Variants in CERS3 observed in about 807,000 individuals in gnomAD.
CERS3 encodes the protein LAG1 homolog, ceramide synthase 3.
In CERS3, 33 loss-of-function variants were observed where a neutral mutation model predicts 50.3. The observed-to-expected ratio is 0.66, with a 90% CI of 0.50 to 0.88. The LOEUF is 0.88. CERS3 is among the 40% of genes least tolerant of loss of function. The probability of loss-of-function intolerance (pLI) is 0.00; values close to 1 mark genes in which losing one functional copy is unlikely to be tolerated. For synonymous variants in CERS3, 176 were observed against 155.2 expected, an observed-to-expected ratio of 1.13 and a Z score of -0.99; for missense variants, 470 against 460.3, an observed-to-expected ratio of 1.02 and a Z score of -0.19.
At chr15:100,536,172 G>A (rs542429845) in intron 1 of CERS3, among the ~76,000 whole-genome samples, 2 of 151,986 alleles carry the variant, frequency 1.3e-5, no homozygotes, top group Non-Finnish European at 2.9e-5. Context: ...ATGGGAAGTG[G>A]GGATATTCCT....
At chr15:100,482,763 G>C (rs1026381425) in intron 5 of CERS3, among the ~76,000 whole-genome samples, 16 of 152,122 alleles carry the variant, frequency 1.1e-4, no homozygotes, top group Non-Finnish European at 1.8e-4. Context: ...ATTTTTGCCT[G>C]TTGGAAAGTA....
chr15:100,537,061 C>A (rs1403852938), intron 1 of CERS3, among the ~76,000 whole-genome samples: 3 of 152,208 alleles, frequency 2.0e-5, no homozygotes. Flanking sequence ...ATTCTACCAC[C>A]TATCCCATAT....
Position 100,514,009 on chromosome 15 carries a change from A to G in CERS3, c.-2+7658T>C, listed in dbSNP as rs371547592. Among the ~76,000 whole-genome samples the G allele has an allele frequency of 1.6e-4, 24 of 152,276 alleles. 1 individual carries two copies. Among genetic ancestry groups the G allele is most frequent in the African/African-American group, 5.5e-4 (23 of 41,556 alleles). On this transcript the variant is annotated intron_variant, in intron 2 of 11. Transcript: ENST00000679737. The stretch of plus-strand genomic sequence containing the variant: ...TGTACAAATAGTAAGTGCTCAATAC[A>G]TATACCACAGCGGTCAAGCACATGG...
chr15:100,517,445 C>A (rs1286633709), intron 2 of CERS3, among the ~76,000 whole-genome samples: 1 of 151,970 alleles, frequency 6.6e-6, no homozygotes, highest in African/African-American at 2.4e-5. Context: ...GTGTCTTTTG[C>A]GGGGTGATTT....
chr15:100,490,477 A>G (rs2035617371), intron 4 of CERS3, among the ~76,000 whole-genome samples: 1 of 152,220 alleles, frequency 6.6e-6, no homozygotes, highest in African/African-American at 2.4e-5. Context: ...CTCTGCCCTA[A>G]CAATTATATT....
intron 1 of CERS3, among the ~76,000 whole-genome samples, chr15:100,539,243 C>T (rs1027127437): frequency 3.9e-5 from 6 of 152,210 alleles, no homozygotes; most frequent in Non-Finnish European, 7.3e-5. Flanking sequence ...CTCACATCCT[C>T]CTGTCTTCTG....
chr15:100,497,878 CACACACACACA>C (rs2035869887), intron 3 of CERS3, among the ~76,000 whole-genome samples: 1 of 82,218 alleles, frequency 1.2e-5, no homozygotes, highest in Admixed American at 1.3e-4. Context: ...CACACACACA[CACACACACACA>C]CACACACTTT....
intron 2 of CERS3, among the ~76,000 whole-genome samples, chr15:100,508,794 G>T (rs1354704769): frequency 1.3e-5 from 2 of 151,770 alleles, no homozygotes; most frequent in African/African-American, 4.8e-5. Context: ...TTTACCCCCG[G>T]GTCATTCTCA....
intron 11 of CERS3, among the ~76,000 whole-genome samples, chr15:100,453,931 G>C (rs2034265150): frequency 6.6e-6 from 1 of 152,090 alleles, no homozygotes; most frequent in Non-Finnish European, 1.5e-5. Flanking sequence ...TAACCAAGGA[G>C]GTAAAAGACC....
chr15:100,535,031 C>T (rs894268072), intron 1 of CERS3, among the ~76,000 whole-genome samples: 2 of 152,156 alleles, frequency 1.3e-5, no homozygotes, highest in Non-Finnish European at 2.9e-5. Flanking sequence ...TCTCATGTCT[C>T]CCTAAATTGT....
chr15:100,453,513 G>A (rs577672700), intron 11 of CERS3, among the ~76,000 whole-genome samples: 2 of 152,204 alleles, frequency 1.3e-5, no homozygotes, highest in South Asian at 2.1e-4. Flanking sequence ...ACATAATGAA[G>A]GGCATATATG....
intron 11 of CERS3, among the ~76,000 whole-genome samples, chr15:100,426,926 C>T: frequency 6.6e-6 from 1 of 152,178 alleles, no homozygotes. Flanking sequence ...CATTTCCAGC[C>T]TGTTACACTC....
At chr15:100,439,702 T>C (rs936056290) in intron 11 of CERS3, among the ~76,000 whole-genome samples, 5 of 152,196 alleles carry the variant, frequency 3.3e-5, no homozygotes, top group African/African-American at 7.2e-5. Flanking sequence ...CTTCAAATAG[T>C]GTTCTTTAAA....
chr15:100,506,634 T>G (rs901078402), intron 2 of CERS3, among the ~76,000 whole-genome samples: 1 of 152,212 alleles, frequency 6.6e-6, no homozygotes, highest in Non-Finnish European at 1.5e-5. Flanking sequence ...AAAAGATTCA[T>G]GCTCAGTATG....
chr15:100,458,659 T>C, intron 10 of CERS3, among the ~76,000 whole-genome samples: 1 of 152,006 alleles, frequency 6.6e-6, no homozygotes, highest in East Asian at 1.9e-4. Context: ...ATATAGAGGT[T>C]AAGGAATGAA....
intron 11 of CERS3, among the ~76,000 whole-genome samples, chr15:100,406,946 A>C (rs935813035): frequency 6.6e-6 from 1 of 152,200 alleles, no homozygotes; most frequent in African/African-American, 2.4e-5. Flanking sequence ...AAAGAGAGAG[A>C]GAGAGCTTGT....
intron 7 of CERS3, among the ~76,000 whole-genome samples, chr15:100,478,848 A>G (rs1387852248): frequency 6.6e-6 from 1 of 152,206 alleles, no homozygotes; most frequent in Non-Finnish European, 1.5e-5. Flanking sequence ...ATGGAAATAT[A>G]GGAAGCAAGG....
intron 11 of CERS3, among the ~76,000 whole-genome samples, chr15:100,430,035 G>A (rs4965650): frequency 0.28 from 42,227 of 151,636 alleles, 6,040 homozygotes; most frequent in East Asian, 0.42. Context: ...CAAAAAAGCC[G>A]GGCGCGGTGG....
At chr15:100,510,687 TA>T (rs1275117896) in intron 2 of CERS3, among the ~76,000 whole-genome samples, 1 of 152,180 alleles carries the variant, frequency 6.6e-6, no homozygotes, top group Non-Finnish European at 1.5e-5. Flanking sequence ...ATAATCTCCC[TA>T]AAGACCAAGC....
Sources: gnomAD v4.1 joint callset for allele counts (sites outside exome capture counted in the v4.1 genomes callset) on GRCh38, gnomAD v4.1.1 for gene constraint, MANE v1.5 for transcripts, NCBI Gene and HGNC (gene_info 2026-07-23, HGNC 2026-07-21) for gene names.